MYOM1: variants seen among roughly 807,000 people sequenced by gnomAD.
MYOM1 encodes the protein myomesin-1.
In MYOM1, 164 loss-of-function variants were observed where a neutral mutation model predicts 205.3. The ratio of observed to expected loss-of-function variants is 0.80; its 90% confidence interval spans 0.70 to 0.91. MYOM1 has a LOEUF of 0.91. Among genes scored for constraint, MYOM1 ranks in the 40% least tolerant of loss-of-function variants. MYOM1 has a pLI of 0.00. For synonymous variants in MYOM1, 772 were observed against 789.4 expected, an observed-to-expected ratio of 0.98 and a Z score of 0.37; for missense variants, 2,011 against 2,127.3, an observed-to-expected ratio of 0.95 and a Z score of 1.08.
chr18:3,085,697 G>A (rs1203355220), intron 30 of MYOM1, among the ~76,000 whole-genome samples: 3 of 152,140 alleles, frequency 2.0e-5, no homozygotes, highest in Admixed American at 1.3e-4. Context: ...ACAAGAAGTA[G>A]ATAAAAATCT....
chr18:3,091,877 G>A (rs543089725), intron 26 of MYOM1, among the ~76,000 whole-genome samples: 8 of 152,030 alleles, frequency 5.3e-5, no homozygotes, highest in Non-Finnish European at 8.8e-5. Flanking sequence ...GACTACAGGC[G>A]TGTGCCACCA....
rs933943466 is a variant in MYOM1, at chr18:3,083,905, A to AAAAT, written c.4379-15_4379-12dup. ...CTGTAGCAGACAAAGCTGAAAGAAG[A>AAAAT]AAATAGCATATTTCATACATCTGCA... On this transcript the variant is annotated splice_polypyrimidine_tract_variant and intron_variant, in intron 32 of 37. Coordinates refer to ENST00000356443, the MANE Select transcript of MYOM1 (RefSeq NM_003803.4). 1.3e-6 allele frequency: 2 copies of AAAAT among 1,575,820 alleles called. No homozygotes were observed. Among genetic ancestry groups the AAAAT allele is most frequent in the African/African-American group, 2.7e-5 (2 of 74,288 alleles).
At chr18:3,177,506 T>C (rs922926767) in intron 5 of MYOM1, among the ~76,000 whole-genome samples, 9 of 149,994 alleles carry the variant, frequency 6.0e-5, no homozygotes, top group East Asian at 2.0e-4. Flanking sequence ...AGTTTCACTC[T>C]TGTTGCCCAG....
intron 25 of MYOM1, among the ~76,000 whole-genome samples, chr18:3,099,452 T>C (rs1197641159): frequency 3.9e-5 from 6 of 152,200 alleles, no homozygotes; most frequent in Non-Finnish European, 7.3e-5. Context: ...GTGTATACTA[T>C]CACTTTCTAC....
chr18:3,140,271 G>A (rs1164441785), intron 14 of MYOM1, among the ~76,000 whole-genome samples: 1 of 152,078 alleles, frequency 6.6e-6, no homozygotes, highest in Non-Finnish European at 1.5e-5. Flanking sequence ...GCCAGGCGTG[G>A]TGGCTCACGC....
intron 22 of MYOM1, among the ~76,000 whole-genome samples, chr18:3,109,881 T>C (rs1240127049): frequency 6.6e-6 from 1 of 152,178 alleles, no homozygotes; most frequent in Non-Finnish European, 1.5e-5. Flanking sequence ...CTATCTGGAC[T>C]CCCAAAGTGT....
intron 22 of MYOM1, among the ~76,000 whole-genome samples, chr18:3,103,162 T>G (rs1429859286): frequency 7.3e-6 from 1 of 137,436 alleles, no homozygotes; most frequent in Non-Finnish European, 1.6e-5. Flanking sequence ...ATAGCCTATA[T>G]TCACATATTC....
At position 3,072,370 on chromosome 18, in the gene MYOM1, T is replaced by TTTTTTTTTTTTTTTTG. The variant is rs768555182; in HGVS notation, c.4709-482_4709-481insCAAAAAAAAAAAAAAA. On this transcript the variant is annotated intron_variant, in intron 36 of 37. Coordinates refer to ENST00000356443, the MANE Select transcript of MYOM1 (RefSeq NM_003803.4). ...CCCGGCTTTTTTTTTTTTTTTTTTT[T>TTTTTTTTTTTTTTTTG]TGAGGCAGAGTCTCGCTCTGTCACC... 2.6e-3 allele frequency among the ~76,000 whole-genome samples: 298 copies of TTTTTTTTTTTTTTTTG among 115,954 alleles called. 31 individuals are homozygous for TTTTTTTTTTTTTTTTG. Among genetic ancestry groups the TTTTTTTTTTTTTTTTG allele is most frequent in the East Asian group, 4.9e-3 (19 of 3,842 alleles). 76.1% of individuals were successfully genotyped at this position (115,954 alleles called of 152,430 possible).
At chr18:3,153,485 A>C (rs2080248945) in intron 11 of MYOM1, among the ~76,000 whole-genome samples, 1 of 152,194 alleles carries the variant, frequency 6.6e-6, no homozygotes, top group Non-Finnish European at 1.5e-5. Flanking sequence ...TTTCACTATG[A>C]CTAAGGCCAG....
At chr18:3,110,229 G>A (rs558287653) in intron 22 of MYOM1, among the ~76,000 whole-genome samples, 1 of 152,034 alleles carries the variant, frequency 6.6e-6, no homozygotes, top group Non-Finnish European at 1.5e-5. Flanking sequence ...GTGCGTGGGG[G>A]TGTGCGTGTG....
chr18:3,170,593 T>C (rs546807969), intron 8 of MYOM1, among the ~76,000 whole-genome samples: 3 of 152,208 alleles, frequency 2.0e-5, no homozygotes, highest in Non-Finnish European at 4.4e-5. Flanking sequence ...TATTTACAGA[T>C]TGAGTAAATG....
intron 36 of MYOM1, 54 bp downstream of exon 36, chr18:3,075,400 C>A: frequency 6.5e-7 from 1 of 1,530,854 alleles, no homozygotes; most frequent in Non-Finnish European, 9.0e-7. Context: ...ATAAAATTAT[C>A]TTTTGAATCT....
At chr18:3,238,902 C>A in the MYOM1 span, among the ~76,000 whole-genome samples, 1 of 152,184 alleles carries the variant, frequency 6.6e-6, no homozygotes, top group Non-Finnish European at 1.5e-5. Context: ...TCACATCTTT[C>A]TCTAACAGTC....
chr18:3,245,880 T>C, the MYOM1 span: 1 of 152,200 alleles, frequency 6.6e-6, no homozygotes, highest in African/African-American at 2.4e-5. Flanking sequence ...CTGCAATTAT[T>C]ATATCTGTTC....
intron 28 of MYOM1, 24 bp downstream of exon 28, chr18:3,089,513 T>C: frequency 1.3e-6 from 2 of 1,577,204 alleles, no homozygotes; most frequent in Non-Finnish European, 1.7e-6. Flanking sequence ...AAAAATTTTC[T>C]CTTTATCCAC....
chr18:3,127,037 G>T lies in MYOM1; in HGVS notation c.2795-140C>A, dbSNP rs79522663. On this transcript the variant is annotated intron_variant, in intron 18 of 37. Transcript: ENST00000356443. ...ATTCGAGGCTGATGAACTTGGCATT[G>T]AACTTGGTGAATGCAATGGACACAG... 4,991 of 680,420 alleles carry T rather than the reference G, an allele frequency of 7.3e-3. 163 individuals are homozygous for T. In the African/African-American group the frequency reaches 0.081, roughly 11 times the overall value. The allele number at this position is 680,420 out of a possible 1,614,324, so 42.1% of individuals were successfully genotyped here. A position where few individuals can be genotyped will look rare whatever the true frequency, so the allele number is the denominator to read the frequency against.
chr18:3,104,793 C>T (rs563751562), intron 22 of MYOM1, among the ~76,000 whole-genome samples: 1 of 127,830 alleles, frequency 7.8e-6, no homozygotes, highest in East Asian at 2.6e-4. Context: ...CACTCTGTCA[C>T]CCAGGCTGGA....
At chr18:3,233,738 CTCAA>C in the MYOM1 span, among the ~76,000 whole-genome samples, 1 of 152,224 alleles carries the variant, frequency 6.6e-6, no homozygotes, top group African/African-American at 2.4e-5. Context: ...GAAAGAAGAA[CTCAA>C]TCAAAGTCCA....
intron 27 of MYOM1, among the ~76,000 whole-genome samples, chr18:3,090,217 A>ATTT (rs71159040): frequency 2.2e-4 from 27 of 124,590 alleles, no homozygotes; most frequent in Non-Finnish European, 2.9e-4. Flanking sequence ...TGAAAACTGT[A>ATTT]TTTTTTTTTT....
Sources: allele counts gnomAD v4.1 joint callset (sites outside exome capture counted in the v4.1 genomes callset), GRCh38; gene constraint gnomAD v4.1.1; transcripts MANE v1.5; gene names NCBI Gene and HGNC (gene_info 2026-07-23, HGNC 2026-07-21).